CRIM1: variants seen among roughly 807,000 people sequenced by gnomAD.
The protein encoded by CRIM1 is cysteine rich transmembrane BMP regulator 1.
In CRIM1, 32 loss-of-function variants were observed where a neutral mutation model predicts 116.4. The ratio of observed to expected loss-of-function variants is 0.27; its 90% CI spans 0.21 to 0.37. CRIM1 has a LOEUF of 0.37. Among genes scored for constraint, CRIM1 ranks in the 10% least tolerant of loss-of-function variants. The pLI is 1.00. For missense variants in CRIM1, 1,331 were observed against 1,354.8 expected (o/e 0.98, Z 0.28); for synonymous variants, 590 against 509.2 (o/e 1.16, Z -2.13).
At chr2:36,452,801 G>A (rs1301842976) in intron 4 of CRIM1, among the ~76,000 whole-genome samples, 2 of 152,122 alleles carry the variant, frequency 1.3e-5, no homozygotes, top group Non-Finnish European at 2.9e-5. Flanking sequence ...TAATCCGAGT[G>A]GTCATGGATA....
At chr2:36,428,423 A>G (rs1674622415) in intron 2 of CRIM1, among the ~76,000 whole-genome samples, 1 of 152,226 alleles carries the variant, frequency 6.6e-6, no homozygotes, top group Non-Finnish European at 1.5e-5. Context: ...TAAAGCTTCA[A>G]ATCTCTAATT....
intron 11 of CRIM1, among the ~76,000 whole-genome samples, chr2:36,514,881 G>T (rs1212906633): frequency 2.0e-5 from 3 of 152,198 alleles, no homozygotes; most frequent in Non-Finnish European, 4.4e-5. Flanking sequence ...AGAGTGACAG[G>T]CAGCTCCCAT....
intron 5 of CRIM1, among the ~76,000 whole-genome samples, chr2:36,466,017 C>A (rs1266053647): frequency 3.3e-5 from 5 of 151,096 alleles, no homozygotes; most frequent in Non-Finnish European, 1.5e-5. Flanking sequence ...TCCCAAGTAG[C>A]TGGGACTACA....
rs756685814 is a variant in CRIM1 at position 36,396,614 on chromosome 2, A to G, written c.332A>G (p.Asp111Gly). 6.4e-7 allele frequency: 1 copy of G among 1,568,772 alleles called. No homozygotes were observed. Among genetic ancestry groups the G allele is most frequent in the South Asian group, 1.2e-5 (1 of 84,570 alleles). ...LTEYEAGVCE[D>G]ENWTDDQLLG... The stretch of plus-strand genomic sequence containing the variant: ...TATCTGGTTGTTAATTGTTTTACAG[A>G]TGAGAACTGGACTGATGACCAACTG... The change falls in exon 2 of 17, where the codon GAT becomes GGT. Residue 111 changes from aspartate to glycine, a missense_variant and splice_region_variant. Asp to Gly is a moderately conservative substitution (Grantham distance 94, BLOSUM62 -1). Around this residue, in one of 3 missense-constraint regions of CRIM1, gnomAD observed 690 missense variants for 676.0 expected, o/e 1.02. Coordinates refer to ENST00000280527, the MANE Select transcript of CRIM1 (RefSeq NM_016441.3).
rs756637949 is a variant in CRIM1 at position 36,537,408 on chromosome 2, G to A, written c.2485G>A (p.Glu829Lys). The change falls in exon 14 of 17, where the codon GAG becomes AAG. Residue 829 changes from glutamate (E) to lysine (K), a missense_variant. Around this residue, in one of 3 missense-constraint regions of CRIM1, gnomAD observed 358 missense variants for 436.1 expected, o/e 0.82. Coordinates refer to ENST00000280527, the MANE Select transcript of CRIM1 (RefSeq NM_016441.3). ...CTTCAGTGGGAAGGCCTATGCCGAC[G>A]AGGAGCGGTGGGACCTTGACAGCTG... is the stretch of plus-strand genomic sequence containing the variant. ...CHFSGKAYAD[E>K]ERWDLDSCTH... The A allele has an allele frequency of 3.1e-6, 5 of 1,614,228 alleles. No individual in the cohort carries two copies. The highest frequency in any genetic ancestry group is 1.7e-5 in the Admixed American group (1 of 60,036).
intron 8 of CRIM1, among the ~76,000 whole-genome samples, chr2:36,500,557 CAAG>C (rs1015613968): frequency 3.3e-5 from 5 of 152,046 alleles, no homozygotes; most frequent in South Asian, 2.1e-4. Flanking sequence ...CCAAATATAA[CAAG>C]AAATTATCCG....
chr2:36,399,893 C>G (rs184146565), intron 2 of CRIM1, among the ~76,000 whole-genome samples: 2 of 152,248 alleles, frequency 1.3e-5, no homozygotes, highest in East Asian at 3.9e-4. Flanking sequence ...AAGGAGAGGA[C>G]AAATGAATTA....
intron 2 of CRIM1, among the ~76,000 whole-genome samples, chr2:36,427,638 CTT>C (rs1491522105): frequency 6.6e-6 from 1 of 152,190 alleles, no homozygotes; most frequent in African/African-American, 2.4e-5. Flanking sequence ...TCTGGCTGGA[CTT>C]CATCTTCTGA....
chr2:36,423,862 G>C (rs978925805), intron 2 of CRIM1, among the ~76,000 whole-genome samples: 4 of 152,216 alleles, frequency 2.6e-5, no homozygotes, highest in Non-Finnish European at 5.9e-5. Flanking sequence ...ACAAGTAAGT[G>C]AGGTAGAGAC....
At chr2:36,508,015 A>G (rs1203247442) in intron 8 of CRIM1, among the ~76,000 whole-genome samples, 1 of 152,230 alleles carries the variant, frequency 6.6e-6, no homozygotes, top group Non-Finnish European at 1.5e-5. Flanking sequence ...TGGGTTCACA[A>G]TTGACATCTG....
intron 5 of CRIM1, among the ~76,000 whole-genome samples, chr2:36,475,164 T>C (rs564088407): frequency 6.6e-6 from 1 of 152,254 alleles, no homozygotes; most frequent in Non-Finnish European, 1.5e-5. Flanking sequence ...AGAGATTGCA[T>C]TGAACATGTA....
chr2:36,391,901 C>G (rs1671640117), intron 1 of CRIM1, among the ~76,000 whole-genome samples: 1 of 151,720 alleles, frequency 6.6e-6, no homozygotes, highest in Non-Finnish European at 1.5e-5. Context: ...CGTGTACTTT[C>G]AGTAAAGCAA....
intron 2 of CRIM1, among the ~76,000 whole-genome samples, chr2:36,405,495 G>A (rs1256261232): frequency 6.6e-6 from 1 of 152,206 alleles, no homozygotes; most frequent in Non-Finnish European, 1.5e-5. Context: ...ACTTGAGAGA[G>A]CTTGATGGTC....
intron 2 of CRIM1, among the ~76,000 whole-genome samples, chr2:36,439,980 A>G (rs555111067): frequency 2.5e-4 from 38 of 152,336 alleles, no homozygotes; most frequent in African/African-American, 9.1e-4. Flanking sequence ...TAGAACTATA[A>G]GTATGAAGAG....
intron 2 of CRIM1, among the ~76,000 whole-genome samples, chr2:36,397,302 C>T (rs1672097803): frequency 6.6e-6 from 1 of 152,142 alleles, no homozygotes; most frequent in Non-Finnish European, 1.5e-5. Flanking sequence ...GGAGATAAGT[C>T]AGAAATTGCA....
chr2:36,426,951 C>T (rs1046705846), intron 2 of CRIM1, among the ~76,000 whole-genome samples: 8 of 152,068 alleles, frequency 5.3e-5, no homozygotes, highest in Non-Finnish European at 1.0e-4. Flanking sequence ...GCCTGTAATC[C>T]CAGCACTTTG....
intron 4 of CRIM1, among the ~76,000 whole-genome samples, chr2:36,459,876 A>T (rs1677442681): frequency 6.6e-6 from 1 of 152,342 alleles, no homozygotes; most frequent in South Asian, 2.1e-4. Flanking sequence ...GCACCTTGCA[A>T]GCTATGCCCA....
At chr2:36,516,744 C>T (rs1396161234) in intron 11 of CRIM1, among the ~76,000 whole-genome samples, 4 of 152,240 alleles carry the variant, frequency 2.6e-5, no homozygotes, top group Middle Eastern at 3.4e-3. Flanking sequence ...ACTCAGGATC[C>T]CAGAAATAAT....
chr2:36,412,279 G>T (rs1234078089), intron 2 of CRIM1, among the ~76,000 whole-genome samples: 1 of 149,376 alleles, frequency 6.7e-6, no homozygotes, highest in Non-Finnish European at 1.5e-5. Flanking sequence ...TACAAATGGG[G>T]GCGCAGGGGG....
Sources: allele counts gnomAD v4.1 joint callset (sites outside exome capture counted in the v4.1 genomes callset), GRCh38; gene constraint gnomAD v4.1.1; regional missense constraint gnomAD v4.1.1; transcripts MANE v1.5; gene names NCBI Gene and HGNC (gene_info 2026-07-23, HGNC 2026-07-21).